Variants in PTH2R observed in about 807,000 individuals in gnomAD.
PTH2R encodes the protein parathyroid hormone 2 receptor, also known as PTH2 receptor.
PTH2R carries 59 observed loss-of-function variants against 60.3 expected under a neutral mutation model. That is an observed-to-expected ratio of 0.98 (90% confidence interval 0.79 to 1.22). The LOEUF is 1.22. PTH2R is among the 50% of genes most tolerant of loss of function. The pLI is 0.00. For synonymous variants in PTH2R, 256 were observed against 243.8 expected (o/e 1.05, Z -0.47); for missense variants, 749 against 682.6 (o/e 1.10, Z -1.08).
intron 2 of PTH2R, among the ~76,000 whole-genome samples, chr2:208,430,633 G>A (rs1158966389): frequency 6.7e-6 from 1 of 149,624 alleles, no homozygotes; most frequent in Non-Finnish European, 1.5e-5. Flanking sequence ...TGCAAGCTCC[G>A]CCTCCCGGGT....
chr2:208,460,580 T>C (rs1281633382), intron 9 of PTH2R, among the ~76,000 whole-genome samples: 1 of 152,146 alleles, frequency 6.6e-6, no homozygotes, highest in East Asian at 1.9e-4. Context: ...CTGGACCTTA[T>C]CTGCCTATAA....
Position 208,362,774 on chromosome 2 carries a change from T to C in PTH2R, c.-259+2537T>C, listed in dbSNP as rs912582921. Among the ~76,000 whole-genome samples, 29 of 152,204 alleles carry C rather than the reference T, an allele frequency of 1.9e-4. 1 individual carries two copies. Among genetic ancestry groups the C allele is most frequent in the Non-Finnish European group, 7.3e-5 (5 of 68,030 alleles). ...ACTGTTTTCCATAATGGTTGCACCATTTTATAATCTCACCAAGAGTGCACA... is the reference window on the plus strand; with the variant it reads ...ACTGTTTTCCATAATGGTTGCACCACTTTATAATCTCACCAAGAGTGCACA... On this transcript the variant is annotated intron_variant, in intron 1 of 12. Transcript: ENST00000617735.
chr2:208,420,409 G>A (rs1701731402), intron 1 of PTH2R, among the ~76,000 whole-genome samples: 1 of 152,062 alleles, frequency 6.6e-6, no homozygotes, highest in African/African-American at 2.4e-5. Context: ...AGCATTGTAT[G>A]AGGCTATTTT....
At chr2:208,481,264 G>A in intron 10 of PTH2R, 100 bp downstream of exon 10, 1 of 670,526 alleles carries the variant, frequency 1.5e-6, no homozygotes, top group Non-Finnish European at 2.4e-6. Flanking sequence ...TGTTGCCCAG[G>A]CTGGAGTGCA....
At chr2:208,472,246 G>A (rs1243975405) in intron 9 of PTH2R, among the ~76,000 whole-genome samples, 1 of 152,104 alleles carries the variant, frequency 6.6e-6, no homozygotes, top group East Asian at 1.9e-4. Context: ...TGAAATGTGA[G>A]GACATGAGAT....
At chr2:208,374,659 C>T (rs569493673) in intron 1 of PTH2R, among the ~76,000 whole-genome samples, 5 of 152,100 alleles carry the variant, frequency 3.3e-5, no homozygotes, top group African/African-American at 4.8e-5. Context: ...CCCTCAACCA[C>T]GCCTGGCTAA....
intron 10 of PTH2R, among the ~76,000 whole-genome samples, chr2:208,487,861 G>A (rs1703307367): frequency 6.6e-6 from 1 of 152,164 alleles, no homozygotes; most frequent in South Asian, 2.1e-4. Context: ...ACAACATGGT[G>A]GCTTGCTTCA....
intron 9 of PTH2R, among the ~76,000 whole-genome samples, chr2:208,473,653 A>T (rs983283561): frequency 2.0e-5 from 3 of 152,252 alleles, no homozygotes; most frequent in Middle Eastern, 3.4e-3. Context: ...ATGGGGAGGG[A>T]TGATCTATTC....
At chr2:208,373,681 G>A (rs185916282) in intron 1 of PTH2R, among the ~76,000 whole-genome samples, 1 of 152,104 alleles carries the variant, frequency 6.6e-6, no homozygotes, top group Non-Finnish European at 1.5e-5. Context: ...GGGCTGTGAA[G>A]TACTTAATTC....
intron 7 of PTH2R, among the ~76,000 whole-genome samples, chr2:208,447,649 A>G (rs1207174427): frequency 2.0e-5 from 3 of 148,228 alleles, no homozygotes; most frequent in Middle Eastern, 7.0e-3. Context: ...AAATAATAGG[A>G]AGGAAAGGAA....
At chr2:208,488,957 C>G in intron 10 of PTH2R, 55 bp from the exon 11 acceptor site, 1 of 1,600,542 alleles carries the variant, frequency 6.2e-7, no homozygotes, top group Non-Finnish European at 8.5e-7. Flanking sequence ...AGCACGCTGT[C>G]TTTACTGAAA....
chr2:208,482,723 T>A (rs1183955531), intron 10 of PTH2R, among the ~76,000 whole-genome samples: 1 of 152,140 alleles, frequency 6.6e-6, no homozygotes. Flanking sequence ...GAAGGGAGTA[T>A]GCCTTAACCC....
chr2:208,480,087 G>A (rs1052666573), intron 9 of PTH2R, among the ~76,000 whole-genome samples: 2 of 152,156 alleles, frequency 1.3e-5, no homozygotes, highest in Admixed American at 1.3e-4. Flanking sequence ...AGTGAGTTTG[G>A]TGGGGTGTTC....
chr2:208,455,289 T>C (rs1302340443), intron 8 of PTH2R, among the ~76,000 whole-genome samples: 1 of 152,170 alleles, frequency 6.6e-6, no homozygotes, highest in African/African-American at 2.4e-5. Context: ...CTGTATGACC[T>C]AGATTCAGAA....
chr2:208,412,827 G>A (rs932028626), intron 1 of PTH2R, among the ~76,000 whole-genome samples: 1 of 152,096 alleles, frequency 6.6e-6, no homozygotes, highest in Non-Finnish European at 1.5e-5. Context: ...GGGATCAAAA[G>A]CAGAAACTAC....
chr2:208,437,579 C>G lies in PTH2R; in HGVS notation c.221C>G (p.Pro74Arg). 6.2e-7 allele frequency: 1 copy of G among 1,613,100 alleles called. No individual in the cohort carries two copies. Among genetic ancestry groups the G allele is most frequent in the Non-Finnish European group, 8.5e-7 (1 of 1,179,574 alleles). The change falls in exon 3 of 13, where the codon CCC (proline) becomes CGC (arginine). Residue 74 changes from proline to arginine, a missense_variant. By Grantham distance (103) the Pro-to-Arg change is moderately radical. Transcript: ENST00000272847. The stretch of plus-strand genomic sequence containing the variant: ...GAATGGGATGGACTCATTTGTTGGC[C>G]CAGAGGAACAGTGGGGAAAATATCG... ...FPEWDGLICW[P>R]RGTVGKISAV...
chr2:208,382,246 A>G (rs540442398), intron 1 of PTH2R, among the ~76,000 whole-genome samples: 1 of 152,222 alleles, frequency 6.6e-6, no homozygotes, highest in East Asian at 1.9e-4. Context: ...GGGAGTTGCT[A>G]GTTTTTAGCT....
chr2:208,414,567 T>C (rs1701601759), intron 1 of PTH2R, among the ~76,000 whole-genome samples: 1 of 152,070 alleles, frequency 6.6e-6, no homozygotes, highest in African/African-American at 2.4e-5. Context: ...TTTCAGTTTT[T>C]TTTTTCTATT....
At chr2:208,403,766 A>G (rs1302943388), upstream of PTH2R, among the ~76,000 whole-genome samples, 4 of 152,178 alleles carry the variant, frequency 2.6e-5, no homozygotes, top group Admixed American at 1.3e-4. Context: ...CAGTTCCAAC[A>G]TGGCTCATTC....
Sources: gnomAD v4.1 joint callset for allele counts (sites outside exome capture counted in the v4.1 genomes callset) on GRCh38, gnomAD v4.1.1 for gene constraint, MANE v1.5 for transcripts, NCBI Gene and HGNC (gene_info 2026-07-23, HGNC 2026-07-21) for gene names.